Variants in SHROOM3 observed in about 807,000 individuals in gnomAD.
The protein encoded by SHROOM3 is protein Shroom3.
In SHROOM3, 47 loss-of-function variants were observed where a neutral mutation model predicts 138.6. The ratio of observed to expected loss-of-function variants is 0.34; its 90% confidence interval spans 0.27 to 0.43. SHROOM3 has a LOEUF of 0.43. SHROOM3 is among the 20% of genes least tolerant of loss of function. SHROOM3 has a pLI of 1.00. For missense variants in SHROOM3, 2,491 were observed against 2,596.5 expected (o/e 0.96, Z 0.88); for synonymous variants, 1,062 against 1,063.3 (o/e 1.00, Z 0.02).
At chr4:76,746,290 CAT>C (rs1338781870) in intron 5 of SHROOM3, among the ~76,000 whole-genome samples, 1 of 152,198 alleles carries the variant, frequency 6.6e-6, no homozygotes, top group Non-Finnish European at 1.5e-5. Context: ...AGTCATGCAT[CAT>C]ATAATGGTCA....
At chr4:76,533,872 C>T (rs1209312593) in intron 1 of SHROOM3, among the ~76,000 whole-genome samples, 9 of 152,268 alleles carry the variant, frequency 5.9e-5, no homozygotes, top group East Asian at 3.9e-4. Context: ...AACACACTCC[C>T]GTGTCTCGAG....
At chr4:76,438,414 G>A (rs1241527560) in intron 1 of SHROOM3, among the ~76,000 whole-genome samples, 1 of 152,300 alleles carries the variant, frequency 6.6e-6, no homozygotes, top group East Asian at 1.9e-4. Context: ...GTGGCCCACA[G>A]TCACATGTGA....
chr4:76,658,014 T>C (rs1736102149), intron 2 of SHROOM3, among the ~76,000 whole-genome samples: 1 of 152,212 alleles, frequency 6.6e-6, no homozygotes, highest in South Asian at 2.1e-4. Context: ...GCAAATCACT[T>C]TGCCTCTGGA....
intron 1 of SHROOM3, among the ~76,000 whole-genome samples, chr4:76,539,477 G>A (rs1366000887): frequency 6.6e-6 from 1 of 152,104 alleles, no homozygotes; most frequent in East Asian, 1.9e-4. Flanking sequence ...CTTTAATACT[G>A]TGAGGTATAT....
At chr4:76,499,656 C>T (rs760732689) in intron 1 of SHROOM3, among the ~76,000 whole-genome samples, 13 of 152,018 alleles carry the variant, frequency 8.6e-5, no homozygotes, top group African/African-American at 2.7e-4. Context: ...CAGTGAGGGC[C>T]GTGGGACGGG....
At chr4:76,688,427 G>T in intron 2 of SHROOM3, 1 of 985,144 alleles carries the variant, frequency 1.0e-6, no homozygotes, top group East Asian at 1.1e-4. Context: ...ACCTAGTGAG[G>T]TCTTCTCTGT....
At chr4:76,590,695 A>AT (rs1476687865) in intron 2 of SHROOM3, among the ~76,000 whole-genome samples, 88 of 146,512 alleles carry the variant, frequency 6.0e-4, no homozygotes, top group African/African-American at 1.2e-3. Context: ...TGAGGTCTTA[A>AT]TTTTTTTTTT....
chr4:76,673,932 G>GCGCAAT (rs1718954496), intron 2 of SHROOM3, among the ~76,000 whole-genome samples: 1 of 152,134 alleles, frequency 6.6e-6, no homozygotes, highest in Non-Finnish European at 1.5e-5. Context: ...GACTGCAGTG[G>GCGCAAT]CGCAATCGTA....
chr4:76,566,472 C>T (rs1733728467), intron 2 of SHROOM3, among the ~76,000 whole-genome samples: 1 of 152,134 alleles, frequency 6.6e-6, no homozygotes, highest in South Asian at 2.1e-4. Flanking sequence ...AGCATAAATC[C>T]CCCATTTCTT....
intron 1 of SHROOM3, among the ~76,000 whole-genome samples, chr4:76,527,447 G>A (rs13105942): frequency 0.073 from 11,106 of 152,200 alleles, 439 homozygotes; most frequent in East Asian, 0.2. Flanking sequence ...GTTTGGCATA[G>A]TGGCGCATGC....
chr4:76,443,093 T>C (rs1279683678), intron 1 of SHROOM3, among the ~76,000 whole-genome samples: 1 of 152,114 alleles, frequency 6.6e-6, no homozygotes, highest in Non-Finnish European at 1.5e-5. Flanking sequence ...TTGAATTAGA[T>C]TGAGAAAAAA....
At chr4:76,743,838 C>G (rs186603757) in intron 5 of SHROOM3, among the ~76,000 whole-genome samples, 97 of 152,340 alleles carry the variant, frequency 6.4e-4, no homozygotes, top group Non-Finnish European at 1.2e-3. Flanking sequence ...ACTCCCTATC[C>G]TACCACTAAC....
chr4:76,558,818 A>G (rs1241178703), intron 2 of SHROOM3, among the ~76,000 whole-genome samples: 1 of 152,214 alleles, frequency 6.6e-6, no homozygotes, highest in Admixed American at 6.5e-5. Flanking sequence ...TCCAACTCCA[A>G]GTGAAGAGAA....
At position 76,741,553 on chromosome 4, in the gene SHROOM3, C is replaced by T. The variant is rs754994062; in HGVS notation, c.3380C>T (p.Ala1127Val). 4.5e-6 allele frequency: 7 copies of T among 1,546,598 alleles called. No homozygotes were observed. In the African/African-American group the frequency reaches 8.2e-5, roughly 18 times the overall value. The change falls in exon 5 of 11, where the codon GCG becomes GTG. Residue 1127 changes from alanine (A) to valine (V), a missense_variant. Physicochemically the swap from Ala to Val is moderately conservative, Grantham distance 64 (BLOSUM62 0). This residue lies in a region of SHROOM3 where 1,733 missense variants were observed against 1,661.6 expected (regional missense o/e 1.04). Transcript: ENST00000296043. The surrounding 1 kb of genome is among the most constrained non-coding windows in gnomAD (Gnocchi z 6.2). ...QSAYLQPGPAALEGSGLASAS... is the reference protein window; with the variant it reads ...QSAYLQPGPAVLEGSGLASAS... Reference sequence around the variant, plus strand: ...GCCTACCTCCAGCCCGGCCCCGCGGCGCTCGAAGGCTCCGGCCTCGCCTCG... The same window carrying T: ...GCCTACCTCCAGCCCGGCCCCGCGGTGCTCGAAGGCTCCGGCCTCGCCTCG...
At position 76,741,650 on chromosome 4, in the gene SHROOM3, A is replaced by T; in HGVS notation, c.3477A>T (p.Thr1159=). The stretch of plus-strand genomic sequence containing the variant: ...GGGAGGCCACGCTCCTGCCGGCCAC[A>T]GTTGCAGAAACCCAGCAGGCTCCCC... The part of the protein sequence containing the change: ...PRREATLLPA[T]VAETQQAPRD... The change falls in exon 5 of 11, where the codon ACA becomes ACT. Residue 1159 remains threonine (T), a synonymous_variant. Coordinates refer to ENST00000296043, the MANE Select transcript of SHROOM3 (RefSeq NM_020859.4). The surrounding 1 kb of genome is among the most constrained non-coding windows in gnomAD (Gnocchi z 6.2). The T allele has an allele frequency of 6.5e-7, 1 of 1,547,134 alleles. No homozygotes were observed. The highest frequency in any genetic ancestry group is 2.4e-5 in the East Asian group (1 of 41,496).
chr4:76,641,272 T>C lies in SHROOM3; in HGVS notation c.324-68884T>C, dbSNP rs146609155. On this transcript the variant is annotated intron_variant, in intron 2 of 10. Coordinates refer to ENST00000296043, the MANE Select transcript of SHROOM3 (RefSeq NM_020859.4). ...TGGACAGGAAGGATGCCTTGATGAA[T>C]GGATAAACACATATTGTTCATGAGA... Among the ~76,000 whole-genome samples the C allele has an allele frequency of 1.2e-3, 189 of 152,330 alleles. 2 individuals are homozygous for C. Among genetic ancestry groups the C allele is most frequent in the African/African-American group, 4.4e-3 (182 of 41,582 alleles).
At chr4:76,679,358 A>G (rs1311321232) in intron 2 of SHROOM3, among the ~76,000 whole-genome samples, 1 of 151,824 alleles carries the variant, frequency 6.6e-6, no homozygotes, top group Non-Finnish European at 1.5e-5. Flanking sequence ...TATCTCCTAC[A>G]CTGTTTCCCT....
intron 2 of SHROOM3, among the ~76,000 whole-genome samples, chr4:76,619,787 C>T (rs1035847085): frequency 8.5e-5 from 13 of 152,106 alleles, no homozygotes; most frequent in African/African-American, 1.2e-4. Flanking sequence ...ATTGGCCAGG[C>T]GTGGTGGCTC....
At chr4:76,470,327 G>C (rs963801166) in intron 1 of SHROOM3, among the ~76,000 whole-genome samples, 13 of 152,290 alleles carry the variant, frequency 8.5e-5, no homozygotes, top group African/African-American at 3.1e-4. Context: ...TCAAGAGATA[G>C]AAAATGTTAT....
Sources: gnomAD v4.1 joint callset for allele counts (sites outside exome capture counted in the v4.1 genomes callset) on GRCh38, gnomAD v4.1.1 for gene constraint, gnomAD v4.1.1 regional missense constraint, Gnocchi (gnomAD v3.1) non-coding constraint, MANE v1.5 for transcripts, NCBI Gene and HGNC (gene_info 2026-07-23, HGNC 2026-07-21) for gene names.